The following TRIM11 variants were observed in gnomAD, a reference collection of about 807,000 sequenced individuals.
TRIM11 encodes the protein E3 ubiquitin-protein ligase TRIM11.
Under a neutral mutation model 33.4 loss-of-function variants are expected in TRIM11, and 15 were observed. The ratio of observed to expected loss-of-function variants is 0.45; its 90% CI spans 0.30 to 0.69. The LOEUF is 0.69. Among genes scored for constraint, TRIM11 ranks in the 30% least tolerant of loss-of-function variants. TRIM11 has a pLI of 0.08. For missense variants in TRIM11, 499 were observed against 667.6 expected (o/e 0.75, Z 2.78); for synonymous variants, 281 against 302.6 (o/e 0.93, Z 0.74).
At position 228,394,952 on chromosome 1, in the gene TRIM11, T is replaced by C. The variant is rs2074967000; in HGVS notation, c.1160A>G (p.Tyr387Cys). The C allele has an allele frequency of 3.1e-6, 5 of 1,613,988 alleles. No individual in the cohort carries two copies. Among genetic ancestry groups the C allele is most frequent in the Admixed American group, 1.7e-5 (1 of 59,994 alleles). Reference sequence around the variant, plus strand: ...AGCCAAGGCCCGTTCCGAGGAATTGTAATAGCTCCCCAGGAAGACCAGGAT... The same window carrying C: ...AGCCAAGGCCCGTTCCGAGGAATTGCAATAGCTCCCCAGGAAGACCAGGAT... Reference protein sequence around the residue: ...FWILVFLGSYYNSSERALAPL... With the variant: ...FWILVFLGSYCNSSERALAPL... Residue 387 changes from tyrosine to cysteine, a missense_variant, in exon 6 of 6, where the codon TAC (tyrosine) becomes TGC (cysteine). By Grantham distance (194) the Tyr-to-Cys change is radical (BLOSUM62 -2). Transcript: ENST00000284551. This position sits in a 1 kb window ranked among gnomAD's most constrained non-coding sequence, Gnocchi z 6.2.
rs1656284375 is a variant in TRIM11 at position 228,402,947 on chromosome 1, T to C, written c.409-786A>G. On this transcript the variant is annotated intron_variant, in intron 1 of 5. Coordinates refer to ENST00000284551, the MANE Select transcript of TRIM11 (RefSeq NM_145214.3). The stretch of plus-strand genomic sequence containing the variant: ...GACAGTCAGCACGGACAGACATGCC[T>C]GGCTACCCACCCTATCTTTTCTCCA... 2.0e-5 allele frequency: 3 copies of C among 152,240 alleles called. 1 individual carries two copies. Among genetic ancestry groups the C allele is most frequent in the Admixed American group, 2.0e-4 (3 of 15,276 alleles). 9.4% of individuals were successfully genotyped at this position (152,240 alleles called of 1,614,324 possible). A position where few individuals can be genotyped will look rare whatever the true frequency, so the allele number is the denominator to read the frequency against.
chr1:228,402,008 A>AGGGGTC, intron 2 of TRIM11, 58 bp downstream of exon 2: 1 of 1,476,688 alleles, frequency 6.8e-7, no homozygotes, highest in Non-Finnish European at 9.3e-7. Flanking sequence ...GGGGTCTCCT[A>AGGGGTC]TACAGGACCT....
At position 228,400,630 on chromosome 1, in the gene TRIM11, C is replaced by T. The variant is rs144845213; in HGVS notation, c.735+334G>A. Among the ~76,000 whole-genome samples the T allele has an allele frequency of 3.2e-4, 48 of 152,336 alleles. No homozygotes were observed. Among genetic ancestry groups the T allele is most frequent in the Non-Finnish European group, 6.2e-4 (42 of 68,022 alleles). The stretch of plus-strand genomic sequence containing the variant: ...AGGCCCAAGGTGGTCCCAGCGAGCA[C>T]ATGCCCACTCTGCTGTGCCCACAGG... On this transcript the variant is annotated intron_variant, in intron 3 of 5. Coordinates refer to ENST00000284551, the MANE Select transcript of TRIM11 (RefSeq NM_145214.3). The surrounding 1 kb of genome is among the most constrained non-coding windows in gnomAD (Gnocchi z 4.5).
chr1:228,402,020 C>A (rs1656250266), intron 2 of TRIM11, 46 bp downstream of exon 2: 4 of 1,548,984 alleles, frequency 2.6e-6, no homozygotes, highest in African/African-American at 2.7e-5. Context: ...ACAGGACCTT[C>A]ACCCCCTACC....
At chr1:228,405,242 G>A (rs1382515174) in intron 1 of TRIM11, 2 of 152,256 alleles carry the variant, frequency 1.3e-5, no homozygotes, top group East Asian at 3.8e-4. Flanking sequence ...AAAGCAGAAG[G>A]GGACAGATTC....
chr1:228,406,084 C>G lies in TRIM11; in HGVS notation c.408+70G>C. On this transcript the variant is annotated intron_variant, in intron 1 of 5. Coordinates refer to ENST00000284551, the MANE Select transcript of TRIM11 (RefSeq NM_145214.3). This position sits in a 1 kb window ranked among gnomAD's most constrained non-coding sequence, Gnocchi z 8.2. ...ACTCCCGGAGCAGTCCCCCAAACCT[C>G]CCACCCGCCCAGGCCTCCCCAGTCC... The G allele has an allele frequency of 2.1e-5, 18 of 837,862 alleles. No individual in the cohort carries two copies. Among genetic ancestry groups the G allele is most frequent in the Non-Finnish European group, 2.7e-5 (16 of 596,754 alleles). 51.9% of individuals were successfully genotyped at this position (837,862 alleles called of 1,614,324 possible).
At chr1:228,405,138 C>G (rs1324209283) in intron 1 of TRIM11, 12 of 152,280 alleles carry the variant, frequency 7.9e-5, no homozygotes, top group Admixed American at 7.8e-4. Flanking sequence ...CAGGTGTAGA[C>G]ATTCCTGCAT....
At position 228,403,626 on chromosome 1, in the gene TRIM11, CCCT is replaced by C. The variant is rs1656304372; in HGVS notation, c.409-1468_409-1466del. ...ACTTGGCCCAGTGCCTCTCACTTCT[CCCT>C]CAATGCCTCAGTCCCTACGGGACAT... On this transcript the variant is annotated intron_variant, in intron 1 of 5. Transcript: ENST00000284551. The surrounding 1 kb of genome is among the most constrained non-coding windows in gnomAD (Gnocchi z 4.8). 1.3e-5 allele frequency: 2 copies of C among 152,364 alleles called. No individual in the cohort carries two copies. Among genetic ancestry groups the C allele is most frequent in the Non-Finnish European group, 2.9e-5 (2 of 68,098 alleles). 9.4% of individuals were successfully genotyped at this position (152,364 alleles called of 1,614,324 possible).
intron 3 of TRIM11, among the ~76,000 whole-genome samples, chr1:228,398,250 G>A (rs891052556): frequency 6.6e-6 from 1 of 152,124 alleles, no homozygotes; most frequent in African/African-American, 2.4e-5. Context: ...CCCAGACAAG[G>A]GTTTCCCTAC....
chr1:228,406,147 G>A lies in TRIM11; in HGVS notation c.408+7C>T. 2 of 1,367,906 alleles carry A rather than the reference G, an allele frequency of 1.5e-6. No individual in the cohort carries two copies. Among genetic ancestry groups the A allele is most frequent in the Non-Finnish European group, 1.9e-6 (2 of 1,066,208 alleles). The allele number at this position is 1,367,906 out of a possible 1,614,324, so 84.7% of individuals were successfully genotyped here. A position where few individuals can be genotyped will look rare whatever the true frequency, so the allele number is the denominator to read the frequency against. ...CGCCCCTGCACGCCACCCCCGCCCA[G>A]GAGCACCTTGAGGTCTTCGGCCGCG... On this transcript the variant is annotated splice_region_variant and intron_variant, in intron 1 of 5. Transcript: ENST00000284551. The surrounding 1 kb of genome is among the most constrained non-coding windows in gnomAD (Gnocchi z 8.2).
In TRIM11 at chr1:228,406,110, C is replaced by T; in HGVS notation, c.408+44G>A. 2 of 1,343,668 alleles carry T rather than the reference C, an allele frequency of 1.5e-6. No individual in the cohort carries two copies. Among genetic ancestry groups the T allele is most frequent in the African/African-American group, 1.5e-5 (1 of 64,954 alleles). The allele number at this position is 1,343,668 out of a possible 1,614,324, so 83.2% of individuals were successfully genotyped here. On this transcript the variant is annotated intron_variant, in intron 1 of 5. Transcript: ENST00000284551. This position sits in a 1 kb window ranked among gnomAD's most constrained non-coding sequence, Gnocchi z 8.2. ...CCACCCGCCCAGGCCTCCCCAGTCCCCGGCTCCCCGACGCCCCTGCACGCC... is the reference window on the plus strand; with the variant it reads ...CCACCCGCCCAGGCCTCCCCAGTCCTCGGCTCCCCGACGCCCCTGCACGCC...
intron 3 of TRIM11, among the ~76,000 whole-genome samples, chr1:228,398,039 T>C (rs1177534460): frequency 6.6e-6 from 1 of 152,206 alleles, no homozygotes; most frequent in Non-Finnish European, 1.5e-5. Context: ...GTACTAAATG[T>C]GGCAGCCCGA....
At position 228,406,493 on chromosome 1, in the gene TRIM11, G is replaced by T; in HGVS notation, c.69C>A (p.Phe23Leu). 6.3e-7 allele frequency: 1 copy of T among 1,588,398 alleles called. No individual in the cohort carries two copies. Residue 23 changes from phenylalanine to leucine, a missense_variant, in exon 1 of 6, where the codon TTC becomes TTA. Coordinates refer to ENST00000284551, the MANE Select transcript of TRIM11 (RefSeq NM_145214.3). This position sits in a 1 kb window ranked among gnomAD's most constrained non-coding sequence, Gnocchi z 8.2. ...CGCAGTCGGTCATCACCGGATCCGTGAAGTAGTCGAGGCAGATGGCGCAGG... is the reference window on the plus strand; with the variant it reads ...CGCAGTCGGTCATCACCGGATCCGTTAAGTAGTCGAGGCAGATGGCGCAGG... ...EATCAICLDY[F>L]TDPVMTDCGH...
chr1:228,394,902 C>G lies in TRIM11; in HGVS notation c.1210G>C (p.Val404Leu), dbSNP rs753479680. The G allele has an allele frequency of 2.5e-6, 4 of 1,614,036 alleles. No homozygotes were observed. Among genetic ancestry groups the G allele is most frequent in the Non-Finnish European group, 3.4e-6 (4 of 1,180,028 alleles). ...LAPLRDPPRR[V>L]GIFLDYEAGH... ...GCCTCGTAGTCCAGAAAGATCCCCA[C>G]GCGCCTGGGTGGGTCCCGGAGTGGA... is the stretch of plus-strand genomic sequence containing the variant. The change falls in exon 6 of 6, where the codon GTG (valine) becomes CTG (leucine). Residue 404 changes from valine to leucine, a missense_variant. Transcript: ENST00000284551. This position sits in a 1 kb window ranked among gnomAD's most constrained non-coding sequence, Gnocchi z 6.2.
rs1370625820 is a variant in TRIM11, at chr1:228,400,975, C to T, written c.724G>A (p.Gly242Arg). 1.9e-6 allele frequency: 3 copies of T among 1,577,870 alleles called. No individual in the cohort carries two copies. Among genetic ancestry groups the T allele is most frequent in the Non-Finnish European group, 2.6e-6 (3 of 1,161,288 alleles). The change falls in exon 3 of 6, where the codon GGG becomes AGG. Residue 242 changes from glycine to arginine, a missense_variant. Transcript: ENST00000284551. This position sits in a 1 kb window ranked among gnomAD's most constrained non-coding sequence, Gnocchi z 4.5. ...CCCGCCCAGCTCACCTGCAGCAGCC[C>T]CAGAGCAGGCAGCTGGCAGCGGCCC... is the stretch of plus-strand genomic sequence containing the variant. ...LEGRCQLPAL[G>R]LLQDIKDALR... is the part of the protein sequence containing the mutation.
At position 228,406,406 on chromosome 1, in the gene TRIM11, C is replaced by G. The variant is rs1211109698; in HGVS notation, c.156G>C (p.Ala52=). 5.1e-6 allele frequency: 8 copies of G among 1,569,084 alleles called. No individual in the cohort carries two copies. Among genetic ancestry groups the G allele is most frequent in the African/African-American group, 4.2e-5 (3 of 71,426 alleles). The change falls in exon 1 of 6, where the codon GCG becomes GCC. Residue 52 remains alanine, a synonymous_variant. Coordinates refer to ENST00000284551, the MANE Select transcript of TRIM11 (RefSeq NM_145214.3). The surrounding 1 kb of genome is among the most constrained non-coding windows in gnomAD (Gnocchi z 8.2). The part of the protein sequence containing the change: ...RCWGQPEGPY[A]CPECRELSPQ... ...GGGACAGCTCGCGGCACTCGGGGCA[C>G]GCGTACGGGCCCTCGGGCTGGCCCC...
chr1:228,406,600 G>T lies in TRIM11; in HGVS notation c.-39C>A. The T allele has an allele frequency of 2.1e-6, 3 of 1,397,410 alleles. No individual in the cohort carries two copies. The highest frequency in any genetic ancestry group is 2.8e-6 in the Non-Finnish European group (3 of 1,076,698). The allele number at this position is 1,397,410 out of a possible 1,614,324, so 86.6% of individuals were successfully genotyped here. Reference sequence around the variant, plus strand: ...GGGAGGAAGGCGGTACTGTCCGCGGGGCGGCGGCGGGCGGCCTCGGCAGCT... The same window carrying T: ...GGGAGGAAGGCGGTACTGTCCGCGGTGCGGCGGCGGGCGGCCTCGGCAGCT... On this transcript the variant is annotated 5_prime_UTR_variant, in exon 1 of 6. Coordinates refer to ENST00000284551, the MANE Select transcript of TRIM11 (RefSeq NM_145214.3). This position sits in a 1 kb window ranked among gnomAD's most constrained non-coding sequence, Gnocchi z 8.2.
At position 228,395,161 on chromosome 1, in the gene TRIM11, G is replaced by A. The variant is rs757615409; in HGVS notation, c.951C>T (p.Ala317=). ...RSVQRGDLRQ[A]LPDSPERFDP... ...CAAAGCGCTCTGGGCTGTCCGGCAG[G>A]GCCTGCCGTAGGTCCCCCCGCTGCA... Residue 317 remains alanine (A), a synonymous_variant, in exon 6 of 6, where the codon GCC becomes GCT. Coordinates refer to ENST00000284551, the MANE Select transcript of TRIM11 (RefSeq NM_145214.3). The surrounding 1 kb of genome is among the most constrained non-coding windows in gnomAD (Gnocchi z 4.8). 11 of 1,519,856 alleles carry A rather than the reference G, an allele frequency of 7.2e-6. No individual in the cohort carries two copies. The highest frequency in any genetic ancestry group is 1.7e-4 in the Middle Eastern group (1 of 5,726). The allele number at this position is 1,519,856 out of a possible 1,614,324, so 94.1% of individuals were successfully genotyped here. A position where few individuals can be genotyped will look rare whatever the true frequency, so the allele number is the denominator to read the frequency against.
chr1:228,402,078 G>C lies in TRIM11; in HGVS notation c.492C>G (p.Cys164Trp). ...LLFQAQADET[C>W]VLWQKMVESQ... Reference sequence around the variant, plus strand: ...CCCCAGCACCTGCCTGCCACAAGACGCAGGTCTCATCCGCCTGGGCTTGGA... The same window carrying C: ...CCCCAGCACCTGCCTGCCACAAGACCCAGGTCTCATCCGCCTGGGCTTGGA... Residue 164 changes from cysteine to tryptophan, a missense_variant, in exon 2 of 6, where the codon TGC (cysteine) becomes TGG (tryptophan). Cys to Trp is a radical substitution (Grantham distance 215, BLOSUM62 -2). Coordinates refer to ENST00000284551, the MANE Select transcript of TRIM11 (RefSeq NM_145214.3). 6.2e-7 allele frequency: 1 copy of C among 1,612,320 alleles called. No individual in the cohort carries two copies. The highest frequency in any genetic ancestry group is 1.1e-5 in the South Asian group (1 of 90,780).
Sources: gnomAD v4.1 joint callset for allele counts (sites outside exome capture counted in the v4.1 genomes callset) on GRCh38, gnomAD v4.1.1 for gene constraint, Gnocchi (gnomAD v3.1) non-coding constraint, MANE v1.5 for transcripts, NCBI Gene and HGNC (gene_info 2026-07-23, HGNC 2026-07-21) for gene names.